The following CTNND2 variants were observed in gnomAD, a reference collection of about 807,000 sequenced individuals.
CTNND2 encodes catenin delta-2.
CTNND2 carries 22 observed loss-of-function variants against 144.4 expected under a neutral mutation model. The observed-to-expected ratio is 0.15, with a 90% confidence interval of 0.11 to 0.22. The LOEUF (loss-of-function observed/expected upper bound fraction) is 0.22, where lower values mean the gene tolerates loss of function less well. CTNND2 is among the 10% of genes least tolerant of loss of function. The pLI is 1.00. For synonymous variants in CTNND2, 751 were observed against 695.6 expected, an observed-to-expected ratio of 1.08 and a Z score of -1.25; for missense variants, 1,353 against 1,618.8, an observed-to-expected ratio of 0.84 and a Z score of 2.82.
chr5:11,353,511 T>C (rs1397346044), intron 8 of CTNND2, among the ~76,000 whole-genome samples: 1 of 152,208 alleles, frequency 6.6e-6, no homozygotes, highest in Non-Finnish European at 1.5e-5. Context: ...GGCTCCATCA[T>C]AATATTCCTA....
At chr5:11,775,099 T>C (rs1790179056) in intron 1 of CTNND2, among the ~76,000 whole-genome samples, 1 of 152,136 alleles carries the variant, frequency 6.6e-6, no homozygotes, top group African/African-American at 2.4e-5. Context: ...ACTAACCACC[T>C]CTTTCAAAAG....
chr5:11,596,327 A>C (rs1779501325), intron 2 of CTNND2, among the ~76,000 whole-genome samples: 1 of 152,186 alleles, frequency 6.6e-6, no homozygotes, highest in Non-Finnish European at 1.5e-5. Flanking sequence ...CATTTATGTA[A>C]AGTGGTGATC....
At chr5:11,006,147 C>A (rs943347393) in intron 18 of CTNND2, among the ~76,000 whole-genome samples, 1 of 152,086 alleles carries the variant, frequency 6.6e-6, no homozygotes, top group African/African-American at 2.4e-5. Flanking sequence ...AGACCAGGAC[C>A]AGGGTATTGG....
chr5:11,255,184 T>C (rs1430509605), intron 9 of CTNND2, among the ~76,000 whole-genome samples: 1 of 152,220 alleles, frequency 6.6e-6, no homozygotes, highest in African/African-American at 2.4e-5. Flanking sequence ...AATACTTCCT[T>C]GTGGTAAATA....
intron 18 of CTNND2, among the ~76,000 whole-genome samples, chr5:11,004,675 A>G (rs1740293246): frequency 6.6e-6 from 1 of 150,810 alleles, no homozygotes; most frequent in African/African-American, 2.4e-5. Context: ...AGGCAGGAGA[A>G]TTGCTTGAAC....
chr5:11,452,197 A>G (rs780893374), intron 3 of CTNND2, among the ~76,000 whole-genome samples: 5 of 152,230 alleles, frequency 3.3e-5, no homozygotes, highest in African/African-American at 4.8e-5. Context: ...ACATCAATAA[A>G]AACGGCAAAT....
intron 1 of CTNND2, among the ~76,000 whole-genome samples, chr5:11,817,422 A>AG (rs1475557649): frequency 0.072 from 49 of 678 alleles, 2 homozygotes; most frequent in African/African-American, 0.11. Flanking sequence ...AGAGAGAGAG[A>AG]GAGAGAGAGA....
chr5:11,440,414 G>A (rs1269191845), intron 3 of CTNND2, among the ~76,000 whole-genome samples: 1 of 152,134 alleles, frequency 6.6e-6, no homozygotes, highest in Non-Finnish European at 1.5e-5. Flanking sequence ...TGGTGTGTGA[G>A]TTTTAGAAAA....
chr5:11,631,057 T>C (rs934275028), intron 2 of CTNND2, among the ~76,000 whole-genome samples: 6 of 152,168 alleles, frequency 3.9e-5, no homozygotes, highest in Non-Finnish European at 8.8e-5. Context: ...GAGATCAATT[T>C]TGATGTAGTA....
chr5:11,152,915 A>T (rs1757873593), intron 12 of CTNND2, among the ~76,000 whole-genome samples: 1 of 152,252 alleles, frequency 6.6e-6, no homozygotes, highest in South Asian at 2.1e-4. Flanking sequence ...GGTGTGTCTC[A>T]TCTGTTCCCA....
chr5:11,314,818 G>A (rs539469696), intron 9 of CTNND2, among the ~76,000 whole-genome samples: 4 of 151,628 alleles, frequency 2.6e-5, no homozygotes, highest in Non-Finnish European at 4.4e-5. Context: ...AGCTGCAATG[G>A]GGACATGATT....
At chr5:11,455,906 A>G (rs1011085156) in intron 3 of CTNND2, among the ~76,000 whole-genome samples, 2 of 152,222 alleles carry the variant, frequency 1.3e-5, no homozygotes, top group Non-Finnish European at 2.9e-5. Context: ...TTATGCTGTT[A>G]GATTCTGTCA....
intron 1 of CTNND2, among the ~76,000 whole-genome samples, chr5:11,755,999 G>A (rs1306216269): frequency 6.6e-6 from 1 of 151,606 alleles, no homozygotes; most frequent in Non-Finnish European, 1.5e-5. Flanking sequence ...TGGTCATGTG[G>A]AGGTAGAAGC....
intron 3 of CTNND2, among the ~76,000 whole-genome samples, chr5:11,473,103 A>C (rs547537985): frequency 6.6e-6 from 1 of 152,328 alleles, no homozygotes; most frequent in South Asian, 2.1e-4. Context: ...AATTAGTGAC[A>C]GGTCCAAATA....
intron 3 of CTNND2, among the ~76,000 whole-genome samples, chr5:11,522,426 C>T (rs1471992008): frequency 6.6e-6 from 1 of 152,138 alleles, no homozygotes; most frequent in African/African-American, 2.4e-5. Context: ...CTAATAATAA[C>T]CCCATCATCA....
intron 3 of CTNND2, among the ~76,000 whole-genome samples, chr5:11,531,159 G>C (rs1240246557): frequency 1.3e-5 from 2 of 152,176 alleles, no homozygotes; most frequent in Admixed American, 1.3e-4. Context: ...GTGGGTACAA[G>C]TGTCTCCAGA....
At chr5:11,452,503 T>C (rs1765390374) in intron 3 of CTNND2, among the ~76,000 whole-genome samples, 1 of 152,226 alleles carries the variant, frequency 6.6e-6, no homozygotes, top group African/African-American at 2.4e-5. Context: ...AAATTCACTT[T>C]CTGCAGCTCA....
At chr5:11,749,567 C>A (rs1007434025) in intron 1 of CTNND2, among the ~76,000 whole-genome samples, 5 of 151,884 alleles carry the variant, frequency 3.3e-5, no homozygotes, top group Admixed American at 6.6e-5. Flanking sequence ...AGGAAGAAAT[C>A]AAGGAAAATA....
intron 3 of CTNND2, among the ~76,000 whole-genome samples, chr5:11,425,830 C>T (rs1762730331): frequency 6.6e-6 from 1 of 152,116 alleles, no homozygotes; most frequent in African/African-American, 2.4e-5. Flanking sequence ...CTCTCCTTGA[C>T]CAAATGTTGG....
Sources: allele counts gnomAD v4.1 joint callset (sites outside exome capture counted in the v4.1 genomes callset), GRCh38; gene constraint gnomAD v4.1.1; transcripts MANE v1.5; gene names NCBI Gene and HGNC (gene_info 2026-07-23, HGNC 2026-07-21).